The following LAMA3 variants were observed in gnomAD, a reference collection of about 807,000 sequenced individuals.
LAMA3 encodes laminin subunit alpha-3.
In LAMA3, 281 loss-of-function variants were observed where a neutral mutation model predicts 402.0. That is an observed-to-expected ratio of 0.70 (90% CI 0.63 to 0.77). LAMA3 has a LOEUF of 0.77. Ranked by LOEUF, LAMA3 falls within the 30% of genes least tolerant of loss-of-function variation. The pLI is 0.00. For synonymous variants in LAMA3, 1,431 were observed against 1,558.4 expected, an observed-to-expected ratio of 0.92 and a Z score of 1.93; for missense variants, 3,840 against 4,215.5, an observed-to-expected ratio of 0.91 and a Z score of 2.47.
intron 12 of LAMA3, among the ~76,000 whole-genome samples, chr18:23,795,265 A>C (rs2062740312): frequency 6.6e-6 from 1 of 152,246 alleles, no homozygotes; most frequent in Admixed American, 6.5e-5. Flanking sequence ...CATTCATAGC[A>C]AGGGAGAAAA....
chr18:23,910,928 A>G (rs2081404778), intron 55 of LAMA3, among the ~76,000 whole-genome samples: 1 of 152,194 alleles, frequency 6.6e-6, no homozygotes. Flanking sequence ...AGATTATGAA[A>G]AAATGCATGG....
chr18:23,874,992 T>C (rs2064658112), intron 38 of LAMA3, among the ~76,000 whole-genome samples: 1 of 152,130 alleles, frequency 6.6e-6, no homozygotes, highest in Non-Finnish European at 1.5e-5. Flanking sequence ...ACCTCCCGAG[T>C]AGCTGGGACT....
intron 11 of LAMA3, among the ~76,000 whole-genome samples, chr18:23,782,221 G>A (rs982674274): frequency 1.3e-5 from 2 of 152,100 alleles, no homozygotes; most frequent in Non-Finnish European, 2.9e-5. Context: ...TTCCTTAGGG[G>A]ACCTGTTGCA....
chr18:23,783,633 T>C (rs575654235), intron 11 of LAMA3, among the ~76,000 whole-genome samples: 1 of 152,360 alleles, frequency 6.6e-6, no homozygotes, highest in Admixed American at 6.5e-5. Context: ...TAGGGCTGAA[T>C]TGATGTTAGT....
At chr18:23,741,218 C>T (rs1325180879) in intron 2 of LAMA3, among the ~76,000 whole-genome samples, 1 of 152,058 alleles carries the variant, frequency 6.6e-6, no homozygotes, top group Non-Finnish European at 1.5e-5. Flanking sequence ...CTTGGCCTCC[C>T]AGAGCCAAGC....
intron 73 of LAMA3, among the ~76,000 whole-genome samples, chr18:23,952,007 T>C (rs543223942): frequency 8.5e-5 from 13 of 152,284 alleles, no homozygotes; most frequent in Non-Finnish European, 1.5e-4. Flanking sequence ...TTGTTGTTGT[T>C]TGTTTGTTTT....
In LAMA3 at chr18:23,704,652, G is replaced by A. The variant is rs556945896; in HGVS notation, c.295-9268G>A. ...CTCCCACTAACTTTCTTTAGGGACA[G>A]ATCCAGCTCTTAGTGTTTGTTTGTT... On this transcript the variant is annotated intron_variant, in intron 1 of 74. Transcript: ENST00000313654. Among the ~76,000 whole-genome samples, 12 of 152,322 alleles carry A rather than the reference G, an allele frequency of 7.9e-5. No individual in the cohort carries two copies. The South Asian group carries it at 2.3e-3, about 29-fold the overall frequency.
chr18:23,905,540 C>A lies in LAMA3; in HGVS notation c.6634C>A (p.Leu2212Met). 6.2e-7 allele frequency: 1 copy of A among 1,605,186 alleles called. No homozygotes were observed. Among genetic ancestry groups the A allele is most frequent in the Non-Finnish European group, 8.5e-7 (1 of 1,172,434 alleles). The change falls in exon 52 of 75, where the codon CTG (leucine) becomes ATG (methionine). Residue 2212 changes from leucine to methionine, a missense_variant. Leu to Met is a conservative substitution (Grantham distance 15). Coordinates refer to ENST00000313654, the MANE Select transcript of LAMA3 (RefSeq NM_198129.4). ...CTTTCAGACAGTGATAAAGGAAGAT[C>A]TGCCAAGAAAAGCTAAAACCCTGAG... ...SALQTVIKED[L>M]PRKAKTLSSN... is the part of the protein sequence containing the mutation.
At position 23,904,541 on chromosome 18, in the gene LAMA3, C is replaced by T. The variant is rs2081179157; in HGVS notation, c.6474-12C>T. 1 of 1,583,384 alleles carries T rather than the reference C, an allele frequency of 6.3e-7. No individual in the cohort carries two copies. The highest frequency in any genetic ancestry group is 1.8e-4 in the Middle Eastern group (1 of 5,638). ...AGGCTGTGGGGAGTGGCTAACCTGCCCTGTCTTCCAGGATCAAGAGAAACG... is the reference window on the plus strand; with the variant it reads ...AGGCTGTGGGGAGTGGCTAACCTGCTCTGTCTTCCAGGATCAAGAGAAACG... On this transcript the variant is annotated splice_polypyrimidine_tract_variant and intron_variant, in intron 50 of 74. Coordinates refer to ENST00000313654, the MANE Select transcript of LAMA3 (RefSeq NM_198129.4).
intron 44 of LAMA3, among the ~76,000 whole-genome samples, chr18:23,895,800 T>A (rs944544053): frequency 8.5e-5 from 13 of 152,220 alleles, no homozygotes; most frequent in African/African-American, 3.1e-4. Flanking sequence ...CTTATCCTTT[T>A]TTTTTCCTTC....
intron 48 of LAMA3, among the ~76,000 whole-genome samples, chr18:23,902,299 C>T (rs2081098403): frequency 6.6e-6 from 1 of 151,872 alleles, no homozygotes; most frequent in Admixed American, 6.6e-5. Context: ...CGAGCCACTG[C>T]ACTTCAGCCT....
chr18:23,722,733 A>G (rs941301089), intron 2 of LAMA3, among the ~76,000 whole-genome samples: 1 of 152,242 alleles, frequency 6.6e-6, no homozygotes, highest in African/African-American at 2.4e-5. Flanking sequence ...ACACTAGGAA[A>G]CAAAACACTT....
intron 12 of LAMA3, among the ~76,000 whole-genome samples, chr18:23,804,592 AC>A (rs1165401977): frequency 6.6e-6 from 1 of 152,150 alleles, no homozygotes; most frequent in East Asian, 1.9e-4. Context: ...GATCCCTGTG[AC>A]CTAAATTATG....
intron 12 of LAMA3, among the ~76,000 whole-genome samples, chr18:23,788,730 A>C (rs2062594820): frequency 6.6e-6 from 1 of 152,090 alleles, no homozygotes; most frequent in South Asian, 2.1e-4. Flanking sequence ...TAGATATGAC[A>C]ACAAAAGCAC....
chr18:23,825,567 A>T (rs1002794852), intron 21 of LAMA3, among the ~76,000 whole-genome samples: 18 of 152,024 alleles, frequency 1.2e-4, no homozygotes, highest in African/African-American at 3.9e-4. Context: ...AACATGAGGG[A>T]TTGTTCTTTC....
rs185558176 is a variant in LAMA3 at position 23,882,781 on chromosome 18, G to A, written c.5222+736G>A. ...CTATCTATGTGATGAGGAAGCTGAAGGAAGAAGACAGAGGCAGTCCCTGTT... is the reference window on the plus strand; with the variant it reads ...CTATCTATGTGATGAGGAAGCTGAAAGAAGAAGACAGAGGCAGTCCCTGTT... On this transcript the variant is annotated intron_variant, in intron 40 of 74. Transcript: ENST00000313654. Among the ~76,000 whole-genome samples, 514 of 152,304 alleles carry A rather than the reference G, an allele frequency of 3.4e-3. 6 individuals carry two copies. The highest frequency in any genetic ancestry group is 0.012 in the African/African-American group (494 of 41,552).
chr18:23,884,502 C>A (rs968696075), intron 40 of LAMA3, among the ~76,000 whole-genome samples: 2 of 152,104 alleles, frequency 1.3e-5, no homozygotes, highest in Non-Finnish European at 2.9e-5. Flanking sequence ...GTGAGTTACT[C>A]TGCTCTGTCT....
intron 8 of LAMA3, among the ~76,000 whole-genome samples, chr18:23,763,778 G>A (rs1341503788): frequency 1.3e-5 from 2 of 152,136 alleles, no homozygotes; most frequent in African/African-American, 4.8e-5. Context: ...ATGGAGAGGA[G>A]GATTCCAGGT....
At chr18:23,867,987 T>G in intron 37 of LAMA3, 70 bp downstream of exon 37, 1 of 1,194,156 alleles carries the variant, frequency 8.4e-7, no homozygotes, top group South Asian at 1.2e-5. Context: ...AATCATGATT[T>G]TTACTCATTT....
Sources: allele counts gnomAD v4.1 joint callset (sites outside exome capture counted in the v4.1 genomes callset), GRCh38; gene constraint gnomAD v4.1.1; transcripts MANE v1.5; gene names NCBI Gene and HGNC (gene_info 2026-07-23, HGNC 2026-07-21).